Variants in SMPD3 observed in about 807,000 individuals in gnomAD.
The protein encoded by SMPD3 is nSMase-2.
A neutral mutation model predicts 55.7 loss-of-function variants in SMPD3; 21 were observed. That is an observed-to-expected ratio of 0.38 (90% CI 0.27 to 0.54). The LOEUF (loss-of-function observed/expected upper bound fraction) is 0.54. Ranked by LOEUF, SMPD3 falls within the 20% of genes least tolerant of loss-of-function variation. The pLI is 0.80. For synonymous variants in SMPD3, 457 were observed against 404.3 expected (o/e 1.13, Z -1.56); for missense variants, 842 against 899.6 (o/e 0.94, Z 0.82).
intron 2 of SMPD3, among the ~76,000 whole-genome samples, chr16:68,374,345 G>A (rs1024676337): frequency 2.0e-5 from 3 of 152,262 alleles, no homozygotes; most frequent in African/African-American, 7.2e-5. Flanking sequence ...GCTGTATCTG[G>A]TTCTGATAAG....
chr16:68,404,025 T>C lies in SMPD3; in HGVS notation c.-268-17366A>G, dbSNP rs2090232506. 6.6e-6 allele frequency among the ~76,000 whole-genome samples: 1 copy of C among 152,062 alleles called. No homozygotes were observed. The highest frequency in any genetic ancestry group is 1.5e-5 in the Non-Finnish European group (1 of 67,994). On this transcript the variant is annotated intron_variant, in intron 1 of 8. Transcript: ENST00000219334. This position sits in a 1 kb window ranked among gnomAD's most constrained non-coding sequence, Gnocchi z 4.0. ...ACCCTGCCATTGTTTCTCTGTTTTC[T>C]TTTTTTCTTTCTTTCTTTATTCTTT...
intron 2 of SMPD3, among the ~76,000 whole-genome samples, chr16:68,375,721 G>A (rs1368701380): frequency 3.9e-5 from 6 of 152,200 alleles, no homozygotes; most frequent in Non-Finnish European, 8.8e-5. Flanking sequence ...AGCAATGGTA[G>A]TGAGTGGCCA....
chr16:68,376,488 T>G (rs1030194201), intron 2 of SMPD3, among the ~76,000 whole-genome samples: 1 of 152,232 alleles, frequency 6.6e-6, no homozygotes, highest in African/African-American at 2.4e-5. Context: ...CCCAAAGGCC[T>G]TGAGGGCTGA....
At chr16:68,364,989 A>G (rs777434985) in intron 4 of SMPD3, 28 bp downstream of exon 4, 18 of 1,613,894 alleles carry the variant, frequency 1.1e-5, no homozygotes, top group Middle Eastern at 1.6e-4. Context: ...CCATGCCTAG[A>G]AAAAACACAG....
At chr16:68,402,599 C>A (rs1032769789) in intron 1 of SMPD3, among the ~76,000 whole-genome samples, 1 of 151,830 alleles carries the variant, frequency 6.6e-6, no homozygotes, top group African/African-American at 2.4e-5. Flanking sequence ...TTTGTCATGG[C>A]TTTATGTTCA....
intron 1 of SMPD3, among the ~76,000 whole-genome samples, chr16:68,422,517 G>A (rs1362718816): frequency 6.6e-6 from 1 of 152,184 alleles, no homozygotes; most frequent in Non-Finnish European, 1.5e-5. Flanking sequence ...AGGTTTTGCT[G>A]TTGTTGAAAT....
chr16:68,364,067 T>TC (rs1444728582), intron 5 of SMPD3, among the ~76,000 whole-genome samples: 6 of 152,056 alleles, frequency 3.9e-5, no homozygotes, highest in Admixed American at 2.0e-4. Context: ...TGAGAACACC[T>TC]CCCCCAGCAC....
chr16:68,385,842 T>C (rs2090044517), intron 2 of SMPD3, among the ~76,000 whole-genome samples: 1 of 152,238 alleles, frequency 6.6e-6, no homozygotes. Flanking sequence ...GCCAAACTGC[T>C]TTCTACCAAG....
intron 2 of SMPD3, among the ~76,000 whole-genome samples, chr16:68,375,115 C>T (rs990913438): frequency 3.9e-5 from 6 of 152,176 alleles, no homozygotes; most frequent in Admixed American, 1.3e-4. Context: ...TGCCTCACCC[C>T]GGCACTGCCC....
chr16:68,403,237 C>G (rs923069885), intron 1 of SMPD3, among the ~76,000 whole-genome samples: 2 of 152,246 alleles, frequency 1.3e-5, no homozygotes, highest in Non-Finnish European at 1.5e-5. Flanking sequence ...AACATCACCA[C>G]TTAACTCATT....
rs1344221025 is a variant in SMPD3 at position 68,363,840 on chromosome 16, G to A, written c.1582C>T (p.Leu528=). 5.7e-6 allele frequency: 9 copies of A among 1,569,224 alleles called. No homozygotes were observed. The highest frequency in any genetic ancestry group is 1.3e-5 in the African/African-American group (1 of 74,236). Residue 528 remains leucine, a synonymous_variant, in exon 6 of 9, where the codon CTG becomes TTG. Coordinates refer to ENST00000219334, the MANE Select transcript of SMPD3 (RefSeq NM_018667.4). ...CAGGGGTCCCTGTAGTGGGTGAACA[G>A]GGAGTGTTGCTGCTCCAGCTTGTCG... ...SDDKLEQQHS[L]FTHYRDPCRL...
At chr16:68,398,063 C>T (rs1383242521) in intron 1 of SMPD3, among the ~76,000 whole-genome samples, 1 of 149,830 alleles carries the variant, frequency 6.7e-6, no homozygotes, top group Non-Finnish European at 1.5e-5. Context: ...GGGAGGGAGT[C>T]CAAGAGGTGG....
chr16:68,363,608 C>A, intron 6 of SMPD3, 49 bp from the exon 7 acceptor site: 5 of 1,577,894 alleles, frequency 3.2e-6, no homozygotes, highest in Non-Finnish European at 4.3e-6. Context: ...AGGGCCCAGG[C>A]AGCCTCTAGG....
intron 1 of SMPD3, among the ~76,000 whole-genome samples, chr16:68,434,830 T>C (rs2090508875): frequency 1.3e-5 from 2 of 152,222 alleles, no homozygotes; most frequent in African/African-American, 2.4e-5. Flanking sequence ...TTATCTCAGC[T>C]TGCCCTTCTC....
chr16:68,398,894 CTG>C (rs1273945961), intron 1 of SMPD3, among the ~76,000 whole-genome samples: 1 of 152,210 alleles, frequency 6.6e-6, no homozygotes, highest in Non-Finnish European at 1.5e-5. Context: ...TGGAGTGTGT[CTG>C]TGGTCACTTT....
intron 1 of SMPD3, among the ~76,000 whole-genome samples, chr16:68,440,148 T>C (rs2090555021): frequency 6.6e-6 from 1 of 152,172 alleles, no homozygotes; most frequent in Non-Finnish European, 1.5e-5. Context: ...AATGACGCAG[T>C]AGAGTTGTAG....
rs1180364714 is a variant in SMPD3, at chr16:68,371,618, C to T, written c.564G>A (p.Val188=). 9 of 1,565,592 alleles carry T rather than the reference C, an allele frequency of 5.7e-6. No homozygotes were observed. The South Asian group carries it at 8.4e-5, about 15-fold the overall frequency. ...SISAASFSSL[V]SPQGGDGVAR... ...CCACCCCATCGCCGCCCTGTGGTGA[C>T]ACCAGGCTGCTGAAGCTAGCGGCGC... The change falls in exon 3 of 9, where the codon GTG becomes GTA. Residue 188 remains valine (V), a synonymous_variant. Coordinates refer to ENST00000219334, the MANE Select transcript of SMPD3 (RefSeq NM_018667.4).
At position 68,360,959 on chromosome 16, in the gene SMPD3, A is replaced by G. The variant is rs2089224921; in HGVS notation, c.*247T>C. Reference sequence around the variant, plus strand: ...TCGGTTGTGCTGTAGATTTGTAGAAAATCGTGTTGTGAAAGAATGGCACTG... The same window carrying G: ...TCGGTTGTGCTGTAGATTTGTAGAAGATCGTGTTGTGAAAGAATGGCACTG... On this transcript the variant is annotated 3_prime_UTR_variant, in exon 9 of 9. Coordinates refer to ENST00000219334, the MANE Select transcript of SMPD3 (RefSeq NM_018667.4). 2 of 506,532 alleles carry G rather than the reference A, an allele frequency of 3.9e-6. No homozygotes were observed. The highest frequency in any genetic ancestry group is 5.3e-5 in the South Asian group (2 of 37,678). The allele number at this position is 506,532 out of a possible 1,614,324, so 31.4% of individuals were successfully genotyped here.
rs2151961240 is a variant in SMPD3, at chr16:68,358,351, C to T, written c.*2855G>A. 1 of 152,878 alleles carries T rather than the reference C, an allele frequency of 6.5e-6. No individual in the cohort carries two copies. Among genetic ancestry groups the T allele is most frequent in the South Asian group, 2.1e-4 (1 of 4,830 alleles). 9.5% of individuals were successfully genotyped at this position (152,878 alleles called of 1,614,324 possible). A position where few individuals can be genotyped will look rare whatever the true frequency, so the allele number is the denominator to read the frequency against. On this transcript the variant is annotated 3_prime_UTR_variant, in exon 9 of 9. Transcript: ENST00000219334. ...CTTGAGCCTCACAGTTTTATTTTCTCCTCGTTATCCATCCTTCCTTTCAGC... is the reference window on the plus strand; with the variant it reads ...CTTGAGCCTCACAGTTTTATTTTCTTCTCGTTATCCATCCTTCCTTTCAGC...
Sources: gnomAD v4.1 joint callset for allele counts (sites outside exome capture counted in the v4.1 genomes callset) on GRCh38, gnomAD v4.1.1 for gene constraint, Gnocchi (gnomAD v3.1) non-coding constraint, MANE v1.5 for transcripts, NCBI Gene and HGNC (gene_info 2026-07-23, HGNC 2026-07-21) for gene names.